CSTL1: variants seen among roughly 807,000 people sequenced by gnomAD.
CSTL1 encodes cystatin like 1, also known as cystatin-like 1.
Under a neutral mutation model 14.4 loss-of-function variants are expected in CSTL1, and 14 were observed. That is an observed-to-expected ratio of 0.97 (90% CI 0.64 to 1.52). The LOEUF (loss-of-function observed/expected upper bound fraction) is 1.52. Among genes scored for constraint, CSTL1 ranks in the 40% most tolerant of loss-of-function variants. The pLI is 0.00. For missense variants in CSTL1, 170 were observed against 168.7 expected, an observed-to-expected ratio of 1.01 and a Z score of -0.04; for synonymous variants, 72 against 67.5, an observed-to-expected ratio of 1.07 and a Z score of -0.33.
At chr20:23,454,265 GAC>G in the CSTL1 span, among the ~76,000 whole-genome samples, 1 of 145,204 alleles carries the variant, frequency 6.9e-6, no homozygotes, top group South Asian at 2.2e-4. Context: ...GAAACACACA[GAC>G]ACACAACACA....
chr20:23,459,437 T>C, the CSTL1 span: 1 of 152,180 alleles, frequency 6.6e-6, no homozygotes, highest in Non-Finnish European at 1.5e-5. Context: ...TTATAATGGT[T>C]TTTAAAAAAA....
intron 2 of CSTL1, 111 bp downstream of exon 2, chr20:23,440,597 T>A (rs777442678): frequency 2.4e-6 from 2 of 825,858 alleles, no homozygotes; most frequent in Non-Finnish European, 2.1e-6. Flanking sequence ...CTCCGTGAGG[T>A]CCCAAGGGGG....
intron 2 of CSTL1, chr20:23,442,377 C>G (rs972875759): frequency 6.6e-6 from 1 of 152,256 alleles, no homozygotes; most frequent in East Asian, 1.9e-4. Flanking sequence ...GTTTCTTCAC[C>G]TGCAAAGTGC....
the CSTL1 span, among the ~76,000 whole-genome samples, chr20:23,456,515 G>A: frequency 6.6e-6 from 1 of 152,146 alleles, no homozygotes; most frequent in Non-Finnish European, 1.5e-5. Context: ...GTGCTCCCAA[G>A]CCTTGGCAGA....
intron 2 of CSTL1, among the ~76,000 whole-genome samples, chr20:23,442,677 G>GT (rs1454414130): frequency 2.0e-5 from 3 of 152,154 alleles, no homozygotes; most frequent in Non-Finnish European, 4.4e-5. Context: ...CTGCCCTCAG[G>GT]TCTAGGCTCC....
At chr20:23,446,373 A>T (rs768180556), downstream of CSTL1, among the ~76,000 whole-genome samples, 5 of 151,718 alleles carry the variant, frequency 3.3e-5, no homozygotes, top group Non-Finnish European at 7.4e-5. Flanking sequence ...CTTCTGCCTC[A>T]GCCTCCCTAG....
intron 2 of CSTL1, among the ~76,000 whole-genome samples, chr20:23,443,057 G>A (rs371208797): frequency 2.3e-4 from 35 of 152,270 alleles, no homozygotes; most frequent in Admixed American, 1.4e-3. Flanking sequence ...CCTGGCATGC[G>A]TTCTCCATGG....
At chr20:23,450,682 G>GGT in the CSTL1 span, 1 of 812,762 alleles carries the variant, frequency 1.2e-6, no homozygotes, top group African/African-American at 1.7e-5. Context: ...ATGGAGAAAA[G>GGT]GCTACCACCT....
downstream of CSTL1, among the ~76,000 whole-genome samples, chr20:23,446,699 G>C (rs1986974194): frequency 6.6e-6 from 1 of 152,198 alleles, no homozygotes; most frequent in African/African-American, 2.4e-5. Context: ...CAGTCGATTA[G>C]AGAAGGTGCA....
At chr20:23,453,887 G>T in the CSTL1 span, among the ~76,000 whole-genome samples, 1 of 151,716 alleles carries the variant, frequency 6.6e-6, no homozygotes. Flanking sequence ...CGAACACACG[G>T]ACACACAACA....
intron 2 of CSTL1, among the ~76,000 whole-genome samples, chr20:23,443,156 CTG>C (rs1333412421): frequency 6.6e-6 from 1 of 152,186 alleles, no homozygotes; most frequent in Non-Finnish European, 1.5e-5. Context: ...GATGAGGAAA[CTG>C]AGATTCAGTA....
the CSTL1 span, chr20:23,450,298 C>T: frequency 2.3e-6 from 1 of 434,956 alleles, no homozygotes; most frequent in East Asian, 3.3e-5. Context: ...TGTAGGTCAC[C>T]TCATTTGGAC....
At chr20:23,453,524 GA>G in the CSTL1 span, among the ~76,000 whole-genome samples, 1 of 152,150 alleles carries the variant, frequency 6.6e-6, no homozygotes, top group Non-Finnish European at 1.5e-5. Flanking sequence ...CCATCCTGGG[GA>G]CCTGATGGGA....
downstream of CSTL1, among the ~76,000 whole-genome samples, chr20:23,449,167 G>C (rs566971799): frequency 1.3e-5 from 2 of 152,304 alleles, no homozygotes; most frequent in South Asian, 4.1e-4. Flanking sequence ...TTGGTGCTCT[G>C]CCTATAGTCT....
At chr20:23,450,630 G>T in the CSTL1 span, 5 of 1,512,128 alleles carry the variant, frequency 3.3e-6, no homozygotes, top group Admixed American at 1.8e-5. Context: ...AAGACGCCAG[G>T]TGAAATTTAA....
In CSTL1 at chr20:23,440,236, C is replaced by T; in HGVS notation, c.-32C>T. On this transcript the variant is annotated 5_prime_UTR_variant, in exon 2 of 4. It introduces an in-frame stop codon into an upstream open reading frame of the 5' UTR. Coordinates refer to ENST00000347397, the MANE Select transcript of CSTL1 (RefSeq NM_138283.1). ...TGGCACCACCACACCCTGGAAGGTG[C>T]AGTTGGGAAGAAAGTTTCTGAGGCT... 6.2e-7 allele frequency: 1 copy of T among 1,608,696 alleles called. No individual in the cohort carries two copies. The highest frequency in any genetic ancestry group is 1.3e-5 in the African/African-American group (1 of 74,896).
chr20:23,450,574 A>G, the CSTL1 span: 2 of 1,609,454 alleles, frequency 1.2e-6, no homozygotes, highest in Middle Eastern at 1.7e-4. Context: ...AACACTGAGA[A>G]GAAGCAGTTG....
chr20:23,446,019 C>T (rs947199265), downstream of CSTL1, among the ~76,000 whole-genome samples: 3 of 152,130 alleles, frequency 2.0e-5, no homozygotes, highest in Non-Finnish European at 2.9e-5. Context: ...ACCCAGCAGC[C>T]AGGGTTTTTA....
chr20:23,455,169 G>A, the CSTL1 span, among the ~76,000 whole-genome samples: 1 of 152,134 alleles, frequency 6.6e-6, no homozygotes, highest in Non-Finnish European at 1.5e-5. Context: ...GCCACTTTTT[G>A]GAGTGCCAGC....
Sources: gnomAD v4.1 joint callset for allele counts (sites outside exome capture counted in the v4.1 genomes callset) on GRCh38, gnomAD v4.1.1 for gene constraint, MANE v1.5 for transcripts, NCBI Gene and HGNC (gene_info 2026-07-23, HGNC 2026-07-21) for gene names.